PLCL1: variants seen among roughly 807,000 people sequenced by gnomAD.
PLCL1 encodes inactive phospholipase C-like protein 1.
PLCL1 carries 41 observed loss-of-function variants against 84.4 expected under a neutral mutation model. The observed-to-expected ratio is 0.49, with a 90% CI of 0.38 to 0.63. PLCL1 has a LOEUF of 0.63. PLCL1 is among the 30% of genes least tolerant of loss of function. The pLI is 0.00. For synonymous variants in PLCL1, 490 were observed against 488.3 expected (o/e 1.00, Z -0.05); for missense variants, 1,206 against 1,367.8 (o/e 0.88, Z 1.87).
At chr2:198,088,249 GA>G (rs1195757029) in intron 2 of PLCL1, among the ~76,000 whole-genome samples, 1 of 152,142 alleles carries the variant, frequency 6.6e-6, no homozygotes, top group Non-Finnish European at 1.5e-5. Flanking sequence ...CTAATCAGAA[GA>G]AAAATGAAGG....
intron 1 of PLCL1, among the ~76,000 whole-genome samples, chr2:197,831,228 G>A (rs1321993249): frequency 6.6e-6 from 1 of 151,928 alleles, no homozygotes; most frequent in Non-Finnish European, 1.5e-5. Flanking sequence ...TTGGCAAATT[G>A]GACCCATCAG....
At chr2:197,868,742 C>A (rs565798104) in intron 1 of PLCL1, among the ~76,000 whole-genome samples, 1 of 150,812 alleles carries the variant, frequency 6.6e-6, no homozygotes, top group Admixed American at 6.6e-5. Flanking sequence ...ACTTGAACTC[C>A]TAGATTCAAG....
chr2:197,859,424 T>A (rs952411202), intron 1 of PLCL1, among the ~76,000 whole-genome samples: 8 of 152,314 alleles, frequency 5.3e-5, no homozygotes, highest in African/African-American at 1.9e-4. Flanking sequence ...AATAAAATGC[T>A]TAAAAATTTT....
At chr2:198,038,225 C>A (rs1202360020) in intron 1 of PLCL1, among the ~76,000 whole-genome samples, 2 of 152,170 alleles carry the variant, frequency 1.3e-5, no homozygotes, top group Admixed American at 1.3e-4. Context: ...CACACACATA[C>A]CCCTTGTGGC....
chr2:198,127,434 A>G (rs967073060), intron 5 of PLCL1, among the ~76,000 whole-genome samples: 6 of 152,186 alleles, frequency 3.9e-5, no homozygotes, highest in African/African-American at 1.4e-4. Flanking sequence ...TTTTTAAATT[A>G]TATGAAATAA....
chr2:197,896,055 A>T (rs1043874955), intron 1 of PLCL1, among the ~76,000 whole-genome samples: 7 of 151,934 alleles, frequency 4.6e-5, no homozygotes, highest in Non-Finnish European at 7.4e-5. Context: ...CATTTGAGAG[A>T]CAGAAGAAAG....
intron 1 of PLCL1, among the ~76,000 whole-genome samples, chr2:197,983,649 C>G (rs1289549459): frequency 6.6e-6 from 1 of 152,160 alleles, no homozygotes; most frequent in South Asian, 2.1e-4. Context: ...TGCTAGGCAC[C>G]GAAGATAGAA....
intron 5 of PLCL1, among the ~76,000 whole-genome samples, chr2:198,122,283 CT>C (rs1693886550): frequency 2.0e-5 from 3 of 152,014 alleles, no homozygotes. Flanking sequence ...CTTTAACTCC[CT>C]TTAGGTTTAT....
At chr2:197,819,997 C>T (rs1395908064) in intron 1 of PLCL1, among the ~76,000 whole-genome samples, 3 of 151,574 alleles carry the variant, frequency 2.0e-5, no homozygotes, top group Non-Finnish European at 4.4e-5. Context: ...CCTGAAAAAA[C>T]GAACAATGAT....
intron 5 of PLCL1, among the ~76,000 whole-genome samples, chr2:198,130,194 A>G (rs1440085): frequency 0.99 from 151,159 of 152,222 alleles, 75,057 homozygotes; most frequent in East Asian, 1. Flanking sequence ...ATATTGTGAT[A>G]TTTCCCAGGC....
intron 5 of PLCL1, among the ~76,000 whole-genome samples, chr2:198,110,795 G>A (rs982652439): frequency 6.6e-6 from 1 of 151,826 alleles, no homozygotes; most frequent in Non-Finnish European, 1.5e-5. Context: ...GAAGGAACAT[G>A]CCCAGTATCA....
intron 1 of PLCL1, among the ~76,000 whole-genome samples, chr2:197,996,606 T>A (rs1690470909): frequency 6.6e-6 from 1 of 151,902 alleles, no homozygotes; most frequent in Non-Finnish European, 1.5e-5. Flanking sequence ...AAATAAAGTC[T>A]ATTAATTAAA....
chr2:198,064,568 T>C (rs189485004), intron 1 of PLCL1, among the ~76,000 whole-genome samples: 1 of 152,286 alleles, frequency 6.6e-6, no homozygotes, highest in African/African-American at 2.4e-5. Flanking sequence ...ATTTAATAAT[T>C]TTCATTTTGT....
intron 1 of PLCL1, among the ~76,000 whole-genome samples, chr2:198,008,456 C>T (rs1690785036): frequency 6.6e-6 from 1 of 152,018 alleles, no homozygotes; most frequent in African/African-American, 2.4e-5. Context: ...TGGAATCATA[C>T]AGTGTTTGTC....
chr2:197,918,598 T>A (rs1217396262), intron 1 of PLCL1, among the ~76,000 whole-genome samples: 1 of 152,088 alleles, frequency 6.6e-6, no homozygotes, highest in Non-Finnish European at 1.5e-5. Context: ...TTATAAAAAA[T>A]AATGGTCCAT....
intron 1 of PLCL1, among the ~76,000 whole-genome samples, chr2:197,823,040 T>C (rs1325340772): frequency 1.3e-5 from 2 of 152,080 alleles, no homozygotes; most frequent in African/African-American, 2.4e-5. Flanking sequence ...GTAAAAATCA[T>C]AGGTAAAAAA....
At chr2:198,000,879 C>T (rs764103485) in intron 1 of PLCL1, among the ~76,000 whole-genome samples, 34 of 152,090 alleles carry the variant, frequency 2.2e-4, no homozygotes, top group Admixed American at 8.5e-4. Context: ...TCTCATGGAG[C>T]GGATAGTTGA....
intron 1 of PLCL1, among the ~76,000 whole-genome samples, chr2:197,813,826 C>T (rs1303393464): frequency 6.6e-6 from 1 of 152,072 alleles, no homozygotes; most frequent in Non-Finnish European, 1.5e-5. Context: ...TAATCTAGCT[C>T]CAGAGGTTGC....
At chr2:197,975,937 A>G (rs10931796) in intron 1 of PLCL1, among the ~76,000 whole-genome samples, 74,271 of 151,914 alleles carry the variant, frequency 0.49, 18,668 homozygotes, top group Middle Eastern at 0.58. Flanking sequence ...CCCCATCCTC[A>G]AATTCATACC....
Sources: allele counts gnomAD v4.1 joint callset (sites outside exome capture counted in the v4.1 genomes callset), GRCh38; gene constraint gnomAD v4.1.1; transcripts MANE v1.5; gene names NCBI Gene and HGNC (gene_info 2026-07-23, HGNC 2026-07-21).